The following UNC5C variants were observed in gnomAD, a reference collection of about 807,000 sequenced individuals.
UNC5C encodes the protein unc-5 netrin receptor C, also known as netrin receptor UNC5C.
A neutral mutation model predicts 99.8 loss-of-function variants in UNC5C; 47 were observed. That is an observed-to-expected ratio of 0.47 (90% CI 0.37 to 0.60). The LOEUF is 0.60. UNC5C is among the 20% of genes least tolerant of loss of function. UNC5C has a pLI of 0.00. For synonymous variants in UNC5C, 487 were observed against 452.2 expected (o/e 1.08, Z -0.98); for missense variants, 1,062 against 1,165.9 (o/e 0.91, Z 1.30).
At chr4:95,290,927 C>T (rs143561669) in intron 3 of UNC5C, among the ~76,000 whole-genome samples, 121 of 152,138 alleles carry the variant, frequency 8.0e-4, no homozygotes, top group Non-Finnish European at 1.5e-3. Flanking sequence ...TTTCTTCAGT[C>T]GTGCCAAGCC....
At chr4:95,276,786 A>G (rs10213145) in intron 4 of UNC5C, among the ~76,000 whole-genome samples, 13,956 of 152,220 alleles carry the variant, frequency 0.092, 1,895 homozygotes, top group African/African-American at 0.3. Context: ...AATAGCTACT[A>G]TCAAGCAAAA....
At chr4:95,171,506 GT>G (rs1736108699) in intron 14 of UNC5C, among the ~76,000 whole-genome samples, 1 of 151,524 alleles carries the variant, frequency 6.6e-6, no homozygotes, top group Non-Finnish European at 1.5e-5. Context: ...TTTTGTTCTT[GT>G]GATAGTTTAC....
intron 2 of UNC5C, among the ~76,000 whole-genome samples, chr4:95,329,496 C>G (rs575366959): frequency 1.3e-5 from 2 of 152,164 alleles, no homozygotes; most frequent in South Asian, 4.2e-4. Context: ...AAGATTGTAT[C>G]AATTTAAACA....
intron 1 of UNC5C, among the ~76,000 whole-genome samples, chr4:95,529,096 G>C (rs879720445): frequency 6.6e-6 from 1 of 150,574 alleles, no homozygotes; most frequent in Non-Finnish European, 1.5e-5. Flanking sequence ...TTATCATCCT[G>C]ACAAGATTTT....
chr4:95,440,762 G>C (rs1028683682), intron 1 of UNC5C, among the ~76,000 whole-genome samples: 11 of 152,110 alleles, frequency 7.2e-5, no homozygotes, highest in Admixed American at 2.0e-4. Flanking sequence ...CAGTGAACTT[G>C]AAAGAAACTC....
In UNC5C at chr4:95,169,093, G is replaced by A; in HGVS notation, c.*141C>T. ...GGCATGTACATGGGCAGTTGTATCTGTTTTCCTTCTGGCTCCTGCTGCAGT... is the reference window on the plus strand; with the variant it reads ...GGCATGTACATGGGCAGTTGTATCTATTTTCCTTCTGGCTCCTGCTGCAGT... On this transcript the variant is annotated 3_prime_UTR_variant, in exon 16 of 16. Transcript: ENST00000453304. 1 of 1,048,820 alleles carries A rather than the reference G, an allele frequency of 9.5e-7. No homozygotes were observed. The highest frequency in any genetic ancestry group is 1.4e-6 in the Non-Finnish European group (1 of 717,538). 65.0% of individuals were successfully genotyped at this position (1,048,820 alleles called of 1,614,324 possible).
At chr4:95,330,123 T>C (rs1278827090) in intron 2 of UNC5C, among the ~76,000 whole-genome samples, 2 of 152,150 alleles carry the variant, frequency 1.3e-5, no homozygotes. Flanking sequence ...TAGGTACAAA[T>C]GCCTTAGGTC....
intron 1 of UNC5C, among the ~76,000 whole-genome samples, chr4:95,440,303 A>C (rs978326618): frequency 1.3e-5 from 2 of 152,208 alleles, no homozygotes; most frequent in African/African-American, 4.8e-5. Flanking sequence ...GTATTAGAGA[A>C]GGGAATAAAT....
chr4:95,464,881 G>T (rs1747726362), intron 1 of UNC5C, among the ~76,000 whole-genome samples: 1 of 152,114 alleles, frequency 6.6e-6, no homozygotes, highest in Middle Eastern at 3.2e-3. Context: ...CTAGTTTTTA[G>T]AACGGTATTA....
intron 10 of UNC5C, among the ~76,000 whole-genome samples, chr4:95,207,151 A>T (rs1737909727): frequency 6.6e-6 from 1 of 152,048 alleles, no homozygotes; most frequent in Admixed American, 6.6e-5. Flanking sequence ...ACATAAGCAG[A>T]TTTTCTGATA....
intron 2 of UNC5C, among the ~76,000 whole-genome samples, chr4:95,322,589 T>G (rs916004643): frequency 6.6e-6 from 1 of 152,102 alleles, no homozygotes; most frequent in Non-Finnish European, 1.5e-5. Flanking sequence ...TAAATATAAC[T>G]TTAATAAATA....
rs138984253 is a variant in UNC5C at position 95,461,145 on chromosome 4, T to A, written c.124+87589A>T. Among the ~76,000 whole-genome samples the A allele has an allele frequency of 4.4e-3, 666 of 152,304 alleles. 11 individuals are homozygous for A. Among genetic ancestry groups the A allele is most frequent in the African/African-American group, 0.015 (629 of 41,568 alleles). On this transcript the variant is annotated intron_variant, in intron 1 of 15. Coordinates refer to ENST00000453304, the MANE Select transcript of UNC5C (RefSeq NM_003728.4). ...TAAGTACTCTGAAGATATAAATAGA[T>A]CATTTACTTTTTCAGAAAGACTTGA...
chr4:95,194,563 C>T (rs1047797705), intron 12 of UNC5C, among the ~76,000 whole-genome samples: 2 of 152,094 alleles, frequency 1.3e-5, no homozygotes, highest in African/African-American at 4.8e-5. Flanking sequence ...CTTTGGCTCA[C>T]GGTCCCCTTC....
chr4:95,322,525 G>C (rs1042284325), intron 2 of UNC5C, among the ~76,000 whole-genome samples: 5 of 152,062 alleles, frequency 3.3e-5, no homozygotes, highest in Admixed American at 2.0e-4. Context: ...TAGTTGAAGA[G>C]ACAGAGATTA....
At chr4:95,358,110 A>C (rs1320872328) in intron 1 of UNC5C, among the ~76,000 whole-genome samples, 4 of 152,208 alleles carry the variant, frequency 2.6e-5, no homozygotes, top group African/African-American at 7.2e-5. Context: ...AACAAAAAAA[A>C]CACCACTGCA....
At chr4:95,530,569 C>T (rs771752132) in intron 1 of UNC5C, among the ~76,000 whole-genome samples, 10 of 152,200 alleles carry the variant, frequency 6.6e-5, no homozygotes, top group Non-Finnish European at 1.3e-4. Context: ...TAAGTTAATA[C>T]TAACCACAGT....
intron 7 of UNC5C, among the ~76,000 whole-genome samples, chr4:95,230,146 G>A (rs1738856235): frequency 6.6e-6 from 1 of 152,024 alleles, no homozygotes; most frequent in African/African-American, 2.4e-5. Flanking sequence ...CATTCTAACT[G>A]GTGTGAGATG....
intron 4 of UNC5C, among the ~76,000 whole-genome samples, chr4:95,253,021 A>G (rs56952424): frequency 0.033 from 5,093 of 152,220 alleles, 274 homozygotes; most frequent in African/African-American, 0.12. Flanking sequence ...ATATCTCATT[A>G]TGTATATGCC....
At chr4:95,297,866 T>C (rs1741716009) in intron 3 of UNC5C, among the ~76,000 whole-genome samples, 1 of 152,202 alleles carries the variant, frequency 6.6e-6, no homozygotes, top group South Asian at 2.1e-4. Context: ...ATAGCTGCAG[T>C]CTCATCACTG....
Sources: allele counts gnomAD v4.1 joint callset (sites outside exome capture counted in the v4.1 genomes callset), GRCh38; gene constraint gnomAD v4.1.1; transcripts MANE v1.5; gene names NCBI Gene and HGNC (gene_info 2026-07-23, HGNC 2026-07-21).